Variants in ROBO2 observed in about 807,000 individuals in gnomAD.
The protein encoded by ROBO2 is roundabout homolog 2.
ROBO2 carries 53 observed loss-of-function variants against 160.8 expected under a neutral mutation model. The observed-to-expected ratio is 0.33, with a 90% CI of 0.26 to 0.41. The LOEUF (loss-of-function observed/expected upper bound fraction) is 0.41. Among genes scored for constraint, ROBO2 ranks in the 10% least tolerant of loss-of-function variants. The probability of loss-of-function intolerance (pLI) is 1.00; values close to 1 mark genes in which losing one functional copy is unlikely to be tolerated. For missense variants in ROBO2, 1,577 were observed against 1,722.4 expected (o/e 0.92, Z 1.49); for synonymous variants, 664 against 611.7 (o/e 1.09, Z -1.26).
intron 8 of ROBO2, among the ~76,000 whole-genome samples, chr3:77,557,436 T>G (rs1318530639): frequency 6.6e-6 from 1 of 151,962 alleles, no homozygotes; most frequent in Non-Finnish European, 1.5e-5. Context: ...TATTTTAGCC[T>G]GTATAAATAC....
At chr3:76,765,766 C>T (rs139963995) in intron 2 of ROBO2, among the ~76,000 whole-genome samples, 4 of 151,768 alleles carry the variant, frequency 2.6e-5, no homozygotes, top group South Asian at 4.1e-4. Flanking sequence ...CATCAGCTGA[C>T]GTCTGATTAC....
intron 2 of ROBO2, among the ~76,000 whole-genome samples, chr3:76,431,741 G>GT (rs1465060684): frequency 6.6e-6 from 1 of 152,040 alleles, no homozygotes; most frequent in Non-Finnish European, 1.5e-5. Context: ...AGGGTGTTAT[G>GT]TTATGCTAAT....
At chr3:77,293,828 T>G (rs1305948272) in intron 2 of ROBO2, among the ~76,000 whole-genome samples, 3 of 138,618 alleles carry the variant, frequency 2.2e-5, no homozygotes, top group Non-Finnish European at 4.5e-5. Flanking sequence ...TAAAGTAGAA[T>G]TGATGGTTAA....
intron 2 of ROBO2, among the ~76,000 whole-genome samples, chr3:76,605,890 G>C (rs2087613500): frequency 6.6e-6 from 1 of 152,196 alleles, no homozygotes; most frequent in South Asian, 2.1e-4. Flanking sequence ...AACTTAATTA[G>C]GACTGTCCAG....
intron 2 of ROBO2, among the ~76,000 whole-genome samples, chr3:76,129,832 G>T (rs545619344): frequency 1.3e-5 from 2 of 151,842 alleles, no homozygotes; most frequent in Admixed American, 1.3e-4. Context: ...GTTACATCTC[G>T]ATTCCCGTCC....
intron 1 of ROBO2, among the ~76,000 whole-genome samples, chr3:75,909,395 AC>A (rs935309919): frequency 6.6e-6 from 1 of 152,172 alleles, no homozygotes; most frequent in African/African-American, 2.4e-5. Flanking sequence ...TAGCTATGAA[AC>A]TTTTTGGAGT....
intron 2 of ROBO2, among the ~76,000 whole-genome samples, chr3:77,236,697 C>T (rs754516732): frequency 1.1e-4 from 17 of 152,132 alleles, no homozygotes; most frequent in Non-Finnish European, 2.1e-4. Context: ...ATCTATTATC[C>T]ATCCTTTCCA....
intron 4 of ROBO2, among the ~76,000 whole-genome samples, chr3:77,489,390 G>A (rs2085792008): frequency 6.6e-6 from 1 of 152,164 alleles, no homozygotes; most frequent in Non-Finnish European, 1.5e-5. Context: ...TAGCAGGGTA[G>A]AGAGAAGGTT....
rs376289696 is a variant in ROBO2 at position 77,294,421 on chromosome 3, G to A, written c.389-182993G>A. Among the ~76,000 whole-genome samples the A allele has an allele frequency of 2.6e-4, 36 of 138,888 alleles. 8 individuals carry two copies. The highest frequency in any genetic ancestry group is 7.0e-4 in the African/African-American group (24 of 34,054). The allele number at this position is 138,888 out of a possible 152,430, so 91.1% of individuals were successfully genotyped here. A position where few individuals can be genotyped will look rare whatever the true frequency, so the allele number is the denominator to read the frequency against. On this transcript the variant is annotated intron_variant, in intron 2 of 25. Coordinates refer to ENST00000461745, the Ensembl canonical transcript of ROBO2. ...CATAAAGTAAAATTAATGGTAAAAC[G>A]GGAAGTTGAGCCTAGATCCCTAAAG...
At chr3:76,972,473 T>A (rs1176546264) in intron 2 of ROBO2, among the ~76,000 whole-genome samples, 2 of 152,146 alleles carry the variant, frequency 1.3e-5, no homozygotes, top group Non-Finnish European at 2.9e-5. Context: ...GTAAGAAGCA[T>A]GGCTGGTGCT....
chr3:76,831,366 A>G (rs777189416), intron 2 of ROBO2, among the ~76,000 whole-genome samples: 1 of 152,236 alleles, frequency 6.6e-6, no homozygotes, highest in African/African-American at 2.4e-5. Flanking sequence ...CACATTACTG[A>G]TTTGATAAAT....
At chr3:77,531,855 A>G (rs1446873566) in intron 6 of ROBO2, among the ~76,000 whole-genome samples, 1 of 152,052 alleles carries the variant, frequency 6.6e-6, no homozygotes, top group Non-Finnish European at 1.5e-5. Context: ...CTGTTACCCC[A>G]TGACCTGAGG....
At chr3:75,964,797 T>C (rs1949045185) in intron 2 of ROBO2, among the ~76,000 whole-genome samples, 2 of 151,690 alleles carry the variant, frequency 1.3e-5, no homozygotes, top group African/African-American at 4.8e-5. Context: ...ACCATTTTGT[T>C]GCATGTTGTT....
intron 2 of ROBO2, among the ~76,000 whole-genome samples, chr3:76,794,024 C>T (rs2063532860): frequency 6.6e-6 from 1 of 152,012 alleles, no homozygotes; most frequent in Non-Finnish European, 1.5e-5. Context: ...GGGGTTCCAC[C>T]TTTCCCTGGA....
chr3:76,198,827 G>A (rs1218071091), intron 2 of ROBO2, among the ~76,000 whole-genome samples: 2 of 152,040 alleles, frequency 1.3e-5, no homozygotes, highest in African/African-American at 2.4e-5. Flanking sequence ...GTTCACCTAT[G>A]ACATGTAAGC....
intron 7 of ROBO2, among the ~76,000 whole-genome samples, chr3:77,548,457 T>C (rs1056761537): frequency 6.6e-6 from 1 of 152,028 alleles, no homozygotes; most frequent in African/African-American, 2.4e-5. Context: ...TAATGTGACT[T>C]GTTATTATAT....
rs146904161 is a variant in ROBO2, at chr3:76,033,758, A to T, written c.109+96156A>T. On this transcript the variant is annotated intron_variant, in intron 2 of 26. Transcript: ENST00000487694. ...AGCTCACCTGGAGCTAGTGGAACCC[A>T]TTGGCCTCATTCACACGTGTGGCAT... Among the ~76,000 whole-genome samples the T allele has an allele frequency of 2.4e-4, 37 of 152,262 alleles. No homozygotes were observed. The East Asian group carries it at 6.8e-3, about 28-fold the overall frequency.
intron 2 of ROBO2, among the ~76,000 whole-genome samples, chr3:76,110,456 C>T (rs959320538): frequency 6.6e-6 from 1 of 152,046 alleles, no homozygotes; most frequent in Admixed American, 6.6e-5. Flanking sequence ...TTGTTTAGCA[C>T]ATATTTGTTG....
chr3:77,244,016 G>A (rs888849992), intron 2 of ROBO2, among the ~76,000 whole-genome samples: 3 of 152,114 alleles, frequency 2.0e-5, no homozygotes, highest in African/African-American at 4.8e-5. Context: ...TTGCTTCTTG[G>A]TATCAAGTAT....
Sources: gnomAD v4.1 joint callset for allele counts (sites outside exome capture counted in the v4.1 genomes callset) on GRCh38, gnomAD v4.1.1 for gene constraint, MANE v1.5 for transcripts, NCBI Gene and HGNC (gene_info 2026-07-23, HGNC 2026-07-21) for gene names.